Variants in ZNF735 observed in about 807,000 individuals in gnomAD.
ZNF735 encodes the protein putative zinc finger protein 735.
In ZNF735, 11 loss-of-function variants were observed where a neutral mutation model predicts 13.4. That is an observed-to-expected ratio of 0.82 (90% CI 0.52 to 1.36). The LOEUF (loss-of-function observed/expected upper bound fraction) is 1.36. Ranked by LOEUF, ZNF735 falls within the 40% of genes most tolerant of loss-of-function variation. The pLI, the probability that ZNF735 is intolerant of heterozygous loss-of-function variation, is 0.00. For missense variants in ZNF735, 500 were observed against 484.6 expected, an observed-to-expected ratio of 1.03 and a Z score of -0.30; for synonymous variants, 171 against 162.6, an observed-to-expected ratio of 1.05 and a Z score of -0.39.
chr7:64,208,244 GTTTTTTTT>G (rs71060562), intron 1 of ZNF735, among the ~76,000 whole-genome samples: 11 of 93,082 alleles, frequency 1.2e-4, no homozygotes, highest in Non-Finnish European at 2.1e-4. Context: ...TCCAATAAAT[GTTTTTTTT>G]TTTTTTTTTT....
At chr7:64,219,796 G>A in exon 4 of ZNF735, 2 of 1,612,640 alleles carry the variant, frequency 1.2e-6, no homozygotes, top group South Asian at 2.2e-5. Context: ...ATGTGGCAAA[G>A]CCTTTAGGTG....
chr7:64,218,300 T>G (rs1290531475), intron 3 of ZNF735, among the ~76,000 whole-genome samples: 1 of 152,150 alleles, frequency 6.6e-6, no homozygotes, highest in Non-Finnish European at 1.5e-5. Context: ...CTCGGAGGAC[T>G]AGGCTTATAA....
Position 64,209,500 on chromosome 7 carries a change from T to C in ZNF735, c.39+2259T>C, listed in dbSNP as rs1787332553. Among the ~76,000 whole-genome samples, 4 of 152,252 alleles carry C rather than the reference T, an allele frequency of 2.6e-5. No homozygotes were observed. In the South Asian group the frequency reaches 8.3e-4, roughly 32 times the overall value. On this transcript the variant is annotated intron_variant, in intron 1 of 3. Coordinates refer to ENST00000429565, the Ensembl canonical transcript of ZNF735. ...TACCACCATGCCTAGCTAATTTTTG[T>C]ATTTGTAGTAGAGACGGGGTTTCAC...
At chr7:64,207,232 C>T in exon 1 of ZNF735, 1 of 1,614,148 alleles carries the variant, frequency 6.2e-7, no homozygotes, top group Non-Finnish European at 8.5e-7. Flanking sequence ...CCCCTGGAAG[C>T]CGAGAAATGG....
intron 3 of ZNF735, among the ~76,000 whole-genome samples, chr7:64,214,449 G>T (rs1184799746): frequency 1.3e-5 from 2 of 151,980 alleles, no homozygotes; most frequent in Non-Finnish European, 2.9e-5. Flanking sequence ...GCATATTTTT[G>T]AGAAACTCTA....
intron 2 of ZNF735, among the ~76,000 whole-genome samples, chr7:64,213,474 A>T (rs10267331): frequency 1.3e-5 from 2 of 152,084 alleles, no homozygotes; most frequent in East Asian, 3.9e-4. Flanking sequence ...TAGCGTTGCC[A>T]ACACCTTAGA....
chr7:64,208,579 T>C (rs985099283), intron 1 of ZNF735, among the ~76,000 whole-genome samples: 29 of 152,224 alleles, frequency 1.9e-4, no homozygotes, highest in African/African-American at 7.0e-4. Flanking sequence ...TTTTACCTTT[T>C]ATTTTAGGTT....
chr7:64,218,389 T>C (rs1324078043), intron 3 of ZNF735, among the ~76,000 whole-genome samples: 1 of 152,140 alleles, frequency 6.6e-6, no homozygotes, highest in Non-Finnish European at 1.5e-5. Flanking sequence ...TAAATATGTG[T>C]TATGGATCTT....
intron 1 of ZNF735, among the ~76,000 whole-genome samples, chr7:64,209,125 G>C (rs999633404): frequency 6.6e-6 from 1 of 151,730 alleles, no homozygotes; most frequent in African/African-American, 2.4e-5. Flanking sequence ...TCAGGTTTTT[G>C]AAAAAATGCC....
intron 3 of ZNF735, 74 bp from the exon 4 acceptor site, chr7:64,219,240 T>C: frequency 6.5e-7 from 1 of 1,527,934 alleles, no homozygotes; most frequent in Non-Finnish European, 8.8e-7. Context: ...TGAACAATTT[T>C]ATATATTTGA....
chr7:64,218,347 A>G (rs1787446133), intron 3 of ZNF735, among the ~76,000 whole-genome samples: 1 of 151,810 alleles, frequency 6.6e-6, no homozygotes, highest in African/African-American at 2.4e-5. Context: ...TCCAAACATT[A>G]TCTTCTGGTT....
At chr7:64,211,817 G>A (rs1787363136) in intron 1 of ZNF735, among the ~76,000 whole-genome samples, 1 of 149,430 alleles carries the variant, frequency 6.7e-6, no homozygotes, top group South Asian at 2.1e-4. Flanking sequence ...AGTGACCTGA[G>A]ATTGCACCAT....
intron 1 of ZNF735, among the ~76,000 whole-genome samples, chr7:64,212,553 G>A (rs547877111): frequency 6.6e-6 from 1 of 152,174 alleles, no homozygotes; most frequent in Non-Finnish European, 1.5e-5. Flanking sequence ...AGCACTTTGG[G>A]AGGCAAAGGT....
chr7:64,217,621 T>C (rs1787437929), intron 3 of ZNF735, among the ~76,000 whole-genome samples: 1 of 152,136 alleles, frequency 6.6e-6, no homozygotes. Flanking sequence ...TATATGCATA[T>C]GCATATAGAT....
At chr7:64,213,787 C>T (rs112016130) in intron 2 of ZNF735, among the ~76,000 whole-genome samples, 1 of 151,944 alleles carries the variant, frequency 6.6e-6, no homozygotes, top group African/African-American at 2.4e-5. Context: ...GGTGAAACTC[C>T]GTCTCTACTA....
intron 1 of ZNF735, among the ~76,000 whole-genome samples, chr7:64,209,407 C>T (rs1168429575): frequency 1.3e-5 from 2 of 150,400 alleles, no homozygotes; most frequent in Admixed American, 6.6e-5. Flanking sequence ...AGTGCAGTGG[C>T]GTGATCTCGG....
At chr7:64,208,394 T>C (rs1787317985) in intron 1 of ZNF735, among the ~76,000 whole-genome samples, 1 of 151,730 alleles carries the variant, frequency 6.6e-6, no homozygotes, top group African/African-American at 2.4e-5. Flanking sequence ...GTAGCTGGAA[T>C]TACAGGTGTA....
intron 1 of ZNF735, among the ~76,000 whole-genome samples, chr7:64,209,498 T>A (rs1787332527): frequency 6.6e-6 from 1 of 152,118 alleles, no homozygotes; most frequent in African/African-American, 2.4e-5. Flanking sequence ...AGCTAATTTT[T>A]GTATTTGTAG....
chr7:64,218,729 A>T (rs192273703), intron 3 of ZNF735, among the ~76,000 whole-genome samples: 1 of 152,334 alleles, frequency 6.6e-6, no homozygotes, highest in Admixed American at 6.5e-5. Context: ...AGACATTAAC[A>T]TAAAACTACC....
Sources: allele counts gnomAD v4.1 joint callset (sites outside exome capture counted in the v4.1 genomes callset), GRCh38; gene constraint gnomAD v4.1.1; transcripts MANE v1.5; gene names NCBI Gene and HGNC (gene_info 2026-07-23, HGNC 2026-07-21).